Variants in ATP13A5 observed in about 807,000 individuals in gnomAD.
ATP13A5 encodes ATPase 13A5.
ATP13A5 carries 149 observed loss-of-function variants against 150.2 expected under a neutral mutation model. That is an observed-to-expected ratio of 0.99 (90% CI 0.87 to 1.14). The LOEUF (loss-of-function observed/expected upper bound fraction) is 1.14, where lower values mean the gene tolerates loss of function less well. Ranked by LOEUF, ATP13A5 falls within the 50% of genes most tolerant of loss-of-function variation. ATP13A5 has a pLI of 0.00. For synonymous variants in ATP13A5, 497 were observed against 522.2 expected (o/e 0.95, Z 0.66); for missense variants, 1,383 against 1,449.3 (o/e 0.95, Z 0.74).
At chr3:193,296,420 A>G (rs1037254126) in intron 25 of ATP13A5, among the ~76,000 whole-genome samples, 6 of 152,132 alleles carry the variant, frequency 3.9e-5, no homozygotes, top group Middle Eastern at 3.2e-3. Context: ...CAGTTCTCCC[A>G]GCACCACTTA....
At chr3:193,334,470 G>A (rs1711769403) in intron 10 of ATP13A5, among the ~76,000 whole-genome samples, 1 of 152,188 alleles carries the variant, frequency 6.6e-6, no homozygotes, top group Non-Finnish European at 1.5e-5. Flanking sequence ...GTCAATACAG[G>A]AGGATGAATA....
chr3:193,346,065 C>T (rs1712324251), intron 7 of ATP13A5, among the ~76,000 whole-genome samples: 1 of 152,068 alleles, frequency 6.6e-6, no homozygotes, highest in Admixed American at 6.6e-5. Context: ...TCTTGTGCTA[C>T]TGCTTATGAG....
At position 193,319,059 on chromosome 3, in the gene ATP13A5, G is replaced by A; in HGVS notation, c.1965C>T (p.Phe655=). The A allele has an allele frequency of 1.9e-6, 3 of 1,613,962 alleles. No individual in the cohort carries two copies. Among genetic ancestry groups the A allele is most frequent in the Non-Finnish European group, 2.5e-6 (3 of 1,179,878 alleles). Residue 655 remains phenylalanine (F), a synonymous_variant, in exon 17 of 30, where the codon TTC becomes TTT. Transcript: ENST00000342358. ...TTTTGTGGGCAAGAGCAATGACACG[G>A]AAGCCTTGCACCGTGTAACTCCTCA... ...QELRSYTVQG[F]RVIALAHKTL...
At chr3:193,291,499 G>A (rs1416219076) in intron 25 of ATP13A5, among the ~76,000 whole-genome samples, 1 of 152,028 alleles carries the variant, frequency 6.6e-6, no homozygotes, top group Non-Finnish European at 1.5e-5. Context: ...ACTCATGGTG[G>A]GAATGAGGAG....
At chr3:193,350,921 C>T in intron 7 of ATP13A5, 146 bp downstream of exon 7, 1 of 837,554 alleles carries the variant, frequency 1.2e-6, no homozygotes. Context: ...CAAAGTCCTT[C>T]TGTCATCCCA....
rs867852997 is a variant in ATP13A5 at position 193,333,874 on chromosome 3, G to A, written c.1148C>T (p.Ser383Phe). 6.2e-7 allele frequency: 1 copy of A among 1,613,816 alleles called. No homozygotes were observed. The highest frequency in any genetic ancestry group is 8.5e-7 in the Non-Finnish European group (1 of 1,179,844). ...GTTCAGAGGCCGGGGGTACAGGATG[G>A]ATCTCACTAAGTCCCCTTTGGCTGT... The part of the protein sequence containing the change: ...YNTAKGDLVR[S>F]ILYPRPLNFK... The change falls in exon 11 of 30, where the codon TCC becomes TTC. Residue 383 changes from serine (S) to phenylalanine (F), a missense_variant. Physicochemically the swap from Ser to Phe is radical, Grantham distance 155 (BLOSUM62 -2). This residue lies in a region of ATP13A5 where 787 missense variants were observed against 771.9 expected (regional missense o/e 1.02). Transcript: ENST00000342358.
At chr3:193,307,138 T>A in intron 22 of ATP13A5, 189 bp downstream of exon 22, 1 of 1,423,160 alleles carries the variant, frequency 7.0e-7, no homozygotes, top group South Asian at 1.6e-5. Flanking sequence ...CCAGAAAGCA[T>A]CGGAAGTGTC....
At chr3:193,310,823 A>G in intron 20 of ATP13A5, 106 bp from the exon 21 acceptor site, 1 of 717,254 alleles carries the variant, frequency 1.4e-6, no homozygotes, top group Non-Finnish European at 2.3e-6. Flanking sequence ...TTAATACAGC[A>G]TTGGATGGTA....
At position 193,305,658 on chromosome 3, in the gene ATP13A5, G is replaced by T. The variant is rs149959340; in HGVS notation, c.2579C>A (p.Ala860Glu). 6.2e-7 allele frequency: 1 copy of T among 1,613,748 alleles called. No individual in the cohort carries two copies. The highest frequency in any genetic ancestry group is 8.5e-7 in the Non-Finnish European group (1 of 1,179,768). ...DGANDCGALK[A>E]AHAGISLSEQ... ...TGATAATGAAATGCCTGCATGAGCC[G>T]CTTTCAAAGCCTGGAATGATAAGCC... The change falls in exon 23 of 30, where the codon GCG (alanine) becomes GAG (glutamate). Residue 860 changes from alanine to glutamate, a missense_variant. Physicochemically the swap from Ala to Glu is moderately radical, Grantham distance 107 (BLOSUM62 -1). Transcript: ENST00000342358.
intron 12 of ATP13A5, among the ~76,000 whole-genome samples, chr3:193,328,490 A>G (rs1352127980): frequency 6.6e-6 from 1 of 152,228 alleles, no homozygotes; most frequent in Non-Finnish European, 1.5e-5. Context: ...TGTTTTCCTG[A>G]TGATGTTTTT....
intron 1 of ATP13A5, among the ~76,000 whole-genome samples, chr3:193,374,156 T>C (rs1185464490): frequency 6.6e-6 from 1 of 152,094 alleles, no homozygotes; most frequent in Non-Finnish European, 1.5e-5. Context: ...AGAAGAGCCG[T>C]CATGATTATT....
intron 9 of ATP13A5, among the ~76,000 whole-genome samples, chr3:193,337,802 T>C (rs1301269198): frequency 6.6e-6 from 1 of 152,102 alleles, no homozygotes; most frequent in Non-Finnish European, 1.5e-5. Context: ...GATGGCATTG[T>C]ATCTATAAAT....
intron 6 of ATP13A5, among the ~76,000 whole-genome samples, chr3:193,352,104 C>T (rs1712586107): frequency 6.6e-6 from 1 of 152,222 alleles, no homozygotes; most frequent in African/African-American, 2.4e-5. Context: ...GTGCTATTCT[C>T]TCTTACCTCT....
chr3:193,296,310 C>T (rs1273902947), intron 25 of ATP13A5, among the ~76,000 whole-genome samples: 3 of 152,070 alleles, frequency 2.0e-5, no homozygotes, highest in Admixed American at 6.6e-5. Context: ...GTGCCTATTG[C>T]CTAAATGTGG....
At chr3:193,329,840 C>T (rs1711561048) in intron 12 of ATP13A5, among the ~76,000 whole-genome samples, 1 of 152,166 alleles carries the variant, frequency 6.6e-6, no homozygotes, top group Admixed American at 6.5e-5. Flanking sequence ...TCTGTTGTCC[C>T]CAGATGGCCT....
At position 193,331,327 on chromosome 3, in the gene ATP13A5, C is replaced by T. The variant is rs763256244; in HGVS notation, c.1273-16G>A. ...TTGGAGGAACCTGGGAGAGGACAGA[C>T]ATTTTCATACAGGATAGCCCAGCAC... On this transcript the variant is annotated splice_polypyrimidine_tract_variant and intron_variant, in intron 11 of 29. Coordinates refer to ENST00000342358, the MANE Select transcript of ATP13A5 (RefSeq NM_198505.4). The T allele has an allele frequency of 8.7e-6, 14 of 1,607,588 alleles. No homozygotes were observed. The Admixed American group carries it at 1.8e-4, about 21-fold the overall frequency.
At chr3:193,362,687 A>C in intron 3 of ATP13A5, 50 bp from the exon 4 acceptor site, 38 of 1,552,314 alleles carry the variant, frequency 2.4e-5, no homozygotes, top group South Asian at 4.5e-5. Flanking sequence ...CATAAAGCTC[A>C]CTGGGAGAGG....
chr3:193,355,317 T>G (rs1238600605), intron 5 of ATP13A5, among the ~76,000 whole-genome samples: 1 of 152,154 alleles, frequency 6.6e-6, no homozygotes, highest in Non-Finnish European at 1.5e-5. Flanking sequence ...ATCATCACAT[T>G]ATTCCCATGA....
intron 23 of ATP13A5, among the ~76,000 whole-genome samples, chr3:193,303,476 A>G (rs573009309): frequency 1.3e-5 from 2 of 152,070 alleles, no homozygotes; most frequent in African/African-American, 4.8e-5. Flanking sequence ...TGTATAAAAC[A>G]TGCCTGATGC....
Sources: allele counts gnomAD v4.1 joint callset (sites outside exome capture counted in the v4.1 genomes callset), GRCh38; gene constraint gnomAD v4.1.1; regional missense constraint gnomAD v4.1.1; transcripts MANE v1.5; gene names NCBI Gene and HGNC (gene_info 2026-07-23, HGNC 2026-07-21).